Variants in HIP1 observed in about 807,000 individuals in gnomAD.
HIP1 encodes the protein huntingtin-interacting protein 1.
HIP1 carries 65 observed loss-of-function variants against 147.6 expected under a neutral mutation model. The observed-to-expected ratio is 0.44, with a 90% CI of 0.36 to 0.54. The LOEUF (loss-of-function observed/expected upper bound fraction) is 0.54. Among genes scored for constraint, HIP1 ranks in the 20% least tolerant of loss-of-function variants. The pLI is 0.00. For synonymous variants in HIP1, 479 were observed against 504.0 expected (o/e 0.95, Z 0.67); for missense variants, 1,061 against 1,299.6 (o/e 0.82, Z 2.82).
At position 75,712,498 on chromosome 7, in the gene HIP1, C is replaced by T. The variant is rs145978536; in HGVS notation, c.120+26303G>A. On this transcript the variant is annotated intron_variant, in intron 1 of 30. Coordinates refer to ENST00000336926, the MANE Select transcript of HIP1 (RefSeq NM_005338.7). Reference sequence around the variant, plus strand: ...GGGTGTGTGTTTGGTCTGAACGTTTCCAGAGTCATCCTGGAGAACAGCTTG... The same window carrying T: ...GGGTGTGTGTTTGGTCTGAACGTTTTCAGAGTCATCCTGGAGAACAGCTTG... Among the ~76,000 whole-genome samples, 37 of 152,236 alleles carry T rather than the reference C, an allele frequency of 2.4e-4. No homozygotes were observed. The East Asian group carries it at 6.0e-3, about 25-fold the overall frequency.
At chr7:75,659,956 T>C (rs1799254919) in intron 1 of HIP1, among the ~76,000 whole-genome samples, 1 of 150,768 alleles carries the variant, frequency 6.6e-6, no homozygotes, top group South Asian at 2.1e-4. Flanking sequence ...TGAAACCCGG[T>C]CTCTACTAAA....
intron 1 of HIP1, among the ~76,000 whole-genome samples, chr7:75,657,444 C>T (rs560354257): frequency 3.4e-3 from 514 of 150,574 alleles, no homozygotes; most frequent in South Asian, 0.011. Context: ...GCAGGAGAAT[C>T]GCTTGAACCC....
chr7:75,553,800 C>T (rs1444534162), intron 21 of HIP1, among the ~76,000 whole-genome samples: 4 of 152,258 alleles, frequency 2.6e-5, no homozygotes, highest in Admixed American at 6.5e-5. Context: ...GACGGGGTTT[C>T]GCCATGTTGG....
intron 4 of HIP1, among the ~76,000 whole-genome samples, chr7:75,591,466 CT>C (rs1796499255): frequency 6.6e-6 from 1 of 152,152 alleles, no homozygotes; most frequent in Admixed American, 6.6e-5. Context: ...TACCTCCCCC[CT>C]CATCCTAAAG....
intron 6 of HIP1, 106 bp from the exon 7 acceptor site, chr7:75,581,404 C>A: frequency 1.3e-6 from 1 of 757,308 alleles, no homozygotes; most frequent in Non-Finnish European, 2.3e-6. Flanking sequence ...TGCTCATGTG[C>A]ATGCGCAAAC....
chr7:75,597,435 C>T (rs1344271539), intron 2 of HIP1, among the ~76,000 whole-genome samples: 1 of 152,154 alleles, frequency 6.6e-6, no homozygotes, highest in Non-Finnish European at 1.5e-5. Context: ...AGTCCAGCCT[C>T]TGAGGCTGGG....
chr7:75,586,909 T>C (rs1159095714), intron 4 of HIP1, 76 bp from the exon 5 acceptor site: 3 of 859,666 alleles, frequency 3.5e-6, no homozygotes, highest in Non-Finnish European at 5.9e-6. Flanking sequence ...AGGAATTCTC[T>C]GGTAAAGAAT....
intron 5 of HIP1, among the ~76,000 whole-genome samples, chr7:75,585,148 C>T (rs1796205946): frequency 6.7e-6 from 1 of 149,866 alleles, no homozygotes; most frequent in African/African-American, 2.5e-5. Context: ...CCACATCCAG[C>T]TCAATTTAAC....
chr7:75,731,326 T>C (rs565701611), intron 1 of HIP1, among the ~76,000 whole-genome samples: 1 of 151,402 alleles, frequency 6.6e-6, no homozygotes, highest in Non-Finnish European at 1.5e-5. Context: ...CTACTAAAAA[T>C]ACAAAAATTA....
chr7:75,563,795 G>A (rs1209812772), intron 9 of HIP1, among the ~76,000 whole-genome samples: 1 of 152,212 alleles, frequency 6.6e-6, no homozygotes, highest in African/African-American at 2.4e-5. Flanking sequence ...CAGGGACAGG[G>A]CAGCCGTTCA....
chr7:75,735,959 G>A (rs1406531703), intron 1 of HIP1, among the ~76,000 whole-genome samples: 5 of 151,938 alleles, frequency 3.3e-5, no homozygotes, highest in African/African-American at 1.2e-4. Flanking sequence ...GAGGCTGGGT[G>A]CAGTGGCTCA....
At chr7:75,702,360 G>A (rs998846259) in intron 1 of HIP1, among the ~76,000 whole-genome samples, 11 of 151,658 alleles carry the variant, frequency 7.3e-5, no homozygotes, top group East Asian at 1.9e-4. Context: ...TGCCTGCCTC[G>A]GCCTCCCAAA....
At chr7:75,564,878 G>A (rs1274179361) in intron 9 of HIP1, among the ~76,000 whole-genome samples, 1 of 152,064 alleles carries the variant, frequency 6.6e-6, no homozygotes, top group African/African-American at 2.4e-5. Context: ...GATTATAGGT[G>A]AGAGCCACCA....
At chr7:75,731,674 A>G (rs1305869159) in intron 1 of HIP1, among the ~76,000 whole-genome samples, 1 of 152,024 alleles carries the variant, frequency 6.6e-6, no homozygotes, top group African/African-American at 2.4e-5. Flanking sequence ...CCTGGCTCTG[A>G]GCATTTGCAT....
At chr7:75,684,281 T>C (rs543161868) in intron 1 of HIP1, among the ~76,000 whole-genome samples, 1 of 151,768 alleles carries the variant, frequency 6.6e-6, no homozygotes, top group South Asian at 2.1e-4. Flanking sequence ...ACCGTGTCTC[T>C]ACTAAAAACA....
chr7:75,577,332 C>CAA (rs61299057), intron 7 of HIP1, among the ~76,000 whole-genome samples: 2 of 96,866 alleles, frequency 2.1e-5, no homozygotes, highest in Non-Finnish European at 4.4e-5. Flanking sequence ...ATCCCATCTC[C>CAA]AAAAAAAAAA....
intron 1 of HIP1, among the ~76,000 whole-genome samples, chr7:75,699,943 C>T (rs1800768016): frequency 6.6e-6 from 1 of 152,082 alleles, no homozygotes; most frequent in African/African-American, 2.4e-5. Context: ...CTCCACCTCC[C>T]AGGCTCAAGC....
chr7:75,546,158 C>T (rs1279544956), intron 25 of HIP1, among the ~76,000 whole-genome samples: 1 of 151,004 alleles, frequency 6.6e-6, no homozygotes, highest in Non-Finnish European at 1.5e-5. Context: ...AGTCTAGCCA[C>T]TCTCTGCGAT....
At chr7:75,607,390 G>A (rs1032038541) in intron 1 of HIP1, among the ~76,000 whole-genome samples, 2 of 151,152 alleles carry the variant, frequency 1.3e-5, no homozygotes, top group South Asian at 2.1e-4. Context: ...CACCAAGCCC[G>A]GCTAATTTTT....
Sources: gnomAD v4.1 joint callset for allele counts (sites outside exome capture counted in the v4.1 genomes callset) on GRCh38, gnomAD v4.1.1 for gene constraint, MANE v1.5 for transcripts, NCBI Gene and HGNC (gene_info 2026-07-23, HGNC 2026-07-21) for gene names.